The following VEPH1 variants were observed in gnomAD, a reference collection of about 807,000 sequenced individuals.
The protein encoded by VEPH1 is ventricular zone-expressed PH domain-containing protein homolog 1.
VEPH1 carries 80 observed loss-of-function variants against 85.2 expected under a neutral mutation model. That is an observed-to-expected ratio of 0.94 (90% confidence interval 0.78 to 1.13). VEPH1 has a LOEUF of 1.13. VEPH1 is among the 50% of genes most tolerant of loss of function. The pLI is 0.00. For synonymous variants in VEPH1, 297 were observed against 348.0 expected (o/e 0.85, Z 1.63); for missense variants, 955 against 980.5 (o/e 0.97, Z 0.35).
chr3:157,331,920 G>C (rs1015567279), intron 9 of VEPH1, among the ~76,000 whole-genome samples: 6 of 152,128 alleles, frequency 3.9e-5, no homozygotes, highest in Non-Finnish European at 1.5e-5. Context: ...TACACAACCT[G>C]GGCTCAAATT....
chr3:157,386,513 G>A (rs1259763363), intron 6 of VEPH1, among the ~76,000 whole-genome samples: 1 of 152,142 alleles, frequency 6.6e-6, no homozygotes, highest in South Asian at 2.1e-4. Context: ...AAAAGAAAGG[G>A]AGAGGAGTGA....
Position 157,275,491 on chromosome 3 carries a change from G to C in VEPH1, c.2129-9829C>G, listed in dbSNP as rs529289090. Among the ~76,000 whole-genome samples, 582 of 152,148 alleles carry C rather than the reference G, an allele frequency of 3.8e-3. 3 individuals carry two copies. Among genetic ancestry groups the C allele is most frequent in the African/African-American group, 0.013 (557 of 41,508 alleles). On this transcript the variant is annotated intron_variant, in intron 12 of 13. Transcript: ENST00000362010. ...CTCGGGAGACTGAGGCAGGAAAATT[G>C]CTTGAACCTGGGAGGCGGAGGTTGC...
chr3:157,477,176 G>A (rs544068997), intron 2 of VEPH1, among the ~76,000 whole-genome samples: 1 of 150,766 alleles, frequency 6.6e-6, no homozygotes, highest in South Asian at 2.1e-4. Context: ...GTGCCCTCTG[G>A]AGGCTCTGAG....
chr3:157,367,265 A>G (rs879007794), intron 7 of VEPH1, among the ~76,000 whole-genome samples: 1 of 152,188 alleles, frequency 6.6e-6, no homozygotes, highest in Admixed American at 6.5e-5. Context: ...TCTTTCTGAC[A>G]TATATATGAT....
chr3:157,494,530 G>T (rs1739495658), intron 2 of VEPH1, among the ~76,000 whole-genome samples: 1 of 152,200 alleles, frequency 6.6e-6, no homozygotes, highest in South Asian at 2.1e-4. Context: ...ACATTGAAGA[G>T]AAGCGAAGGA....
intron 4 of VEPH1, among the ~76,000 whole-genome samples, chr3:157,446,118 A>C (rs556188620): frequency 2.0e-5 from 3 of 152,242 alleles, no homozygotes; most frequent in Admixed American, 1.3e-4. Context: ...CAGCATAGTA[A>C]AGTAATTGTG....
At chr3:157,406,638 C>T (rs981763535) in intron 6 of VEPH1, among the ~76,000 whole-genome samples, 3 of 152,108 alleles carry the variant, frequency 2.0e-5, no homozygotes, top group Non-Finnish European at 2.9e-5. Context: ...TTAACACACA[C>T]GATGGCAGTG....
Position 157,463,360 on chromosome 3 carries a change from C to T in VEPH1, c.355-3005G>A, listed in dbSNP as rs547794984. Among the ~76,000 whole-genome samples, 20 of 152,214 alleles carry T rather than the reference C, an allele frequency of 1.3e-4. No homozygotes were observed. The East Asian group carries it at 1.4e-3, about 10-fold the overall frequency. ...TGAAAGCTCTGATGCTATTCTTTGG[C>T]GATAAATCATGCGTCTATATAGCAG... On this transcript the variant is annotated intron_variant, in intron 3 of 13. Coordinates refer to ENST00000362010, the MANE Select transcript of VEPH1 (RefSeq NM_001167912.2).
intron 6 of VEPH1, chr3:157,409,991 ATCAG>A: frequency 2.1e-6 from 2 of 948,500 alleles, no homozygotes; most frequent in African/African-American, 1.8e-5. Flanking sequence ...GTATGCTCTG[ATCAG>A]TCAGAGATTG....
intron 9 of VEPH1, among the ~76,000 whole-genome samples, chr3:157,352,602 A>C (rs911796534): frequency 6.6e-6 from 1 of 152,230 alleles, no homozygotes; most frequent in African/African-American, 2.4e-5. Flanking sequence ...TGTCTAGAGA[A>C]AGGACAGGAA....
chr3:157,407,504 A>G (rs1438011510), intron 6 of VEPH1, among the ~76,000 whole-genome samples: 1 of 152,220 alleles, frequency 6.6e-6, no homozygotes, highest in Non-Finnish European at 1.5e-5. Flanking sequence ...AAATTTACAT[A>G]CACCAGTTAT....
chr3:157,295,159 G>A (rs1178258221), intron 11 of VEPH1, among the ~76,000 whole-genome samples: 1 of 152,188 alleles, frequency 6.6e-6, no homozygotes, highest in African/African-American at 2.4e-5. Flanking sequence ...TTGCCCCAGG[G>A]CTAACAACTG....
At chr3:157,424,329 C>G (rs1353315878) in intron 5 of VEPH1, among the ~76,000 whole-genome samples, 1 of 152,132 alleles carries the variant, frequency 6.6e-6, no homozygotes, top group African/African-American at 2.4e-5. Context: ...TCTTCCCAGT[C>G]TTGGGTATGT....
At chr3:157,470,574 T>C (rs369940750) in intron 2 of VEPH1, 45 bp from the exon 3 acceptor site, 4 of 1,590,382 alleles carry the variant, frequency 2.5e-6, no homozygotes, top group Non-Finnish European at 3.4e-6. Flanking sequence ...CTCTAGAAAG[T>C]TATCCTTCAA....
At chr3:157,372,927 C>A (rs1727676794) in intron 7 of VEPH1, among the ~76,000 whole-genome samples, 1 of 152,156 alleles carries the variant, frequency 6.6e-6, no homozygotes, top group East Asian at 1.9e-4. Context: ...TGATAAGAAA[C>A]AGTTTGCAGA....
At chr3:157,321,028 A>G (rs1029186888) in intron 9 of VEPH1, among the ~76,000 whole-genome samples, 3 of 152,078 alleles carry the variant, frequency 2.0e-5, no homozygotes, top group Non-Finnish European at 2.9e-5. Flanking sequence ...TTATATATAT[A>G]TATTTTTTGG....
intron 4 of VEPH1, among the ~76,000 whole-genome samples, chr3:157,447,610 T>C (rs1029578149): frequency 6.6e-6 from 1 of 151,364 alleles, no homozygotes; most frequent in Non-Finnish European, 1.5e-5. Flanking sequence ...TTTTTTTTTT[T>C]TTGAAATGGA....
At chr3:157,501,635 G>A (rs931208846) in intron 1 of VEPH1, among the ~76,000 whole-genome samples, 2 of 152,074 alleles carry the variant, frequency 1.3e-5, no homozygotes, top group East Asian at 1.9e-4. Flanking sequence ...GGACTTAATC[G>A]CCACACTATT....
chr3:157,382,742 C>A (rs375155257), intron 6 of VEPH1, among the ~76,000 whole-genome samples: 1 of 152,292 alleles, frequency 6.6e-6, no homozygotes. Flanking sequence ...TAATTTCCTT[C>A]AAGGTGCAAC....
Sources: allele counts gnomAD v4.1 joint callset (sites outside exome capture counted in the v4.1 genomes callset), GRCh38; gene constraint gnomAD v4.1.1; transcripts MANE v1.5; gene names NCBI Gene and HGNC (gene_info 2026-07-23, HGNC 2026-07-21).